Variants in ITGAD observed in about 807,000 individuals in gnomAD.
The protein encoded by ITGAD is integrin subunit alpha D, also known as integrin alpha-D.
A neutral mutation model predicts 139.0 loss-of-function variants in ITGAD; 105 were observed. The ratio of observed to expected loss-of-function variants is 0.76; its 90% confidence interval spans 0.65 to 0.89. The LOEUF (loss-of-function observed/expected upper bound fraction) is 0.89. ITGAD is among the 40% of genes least tolerant of loss of function. The pLI is 0.00. For synonymous variants in ITGAD, 569 were observed against 598.3 expected, an observed-to-expected ratio of 0.95 and a Z score of 0.71; for missense variants, 1,384 against 1,487.3, an observed-to-expected ratio of 0.93 and a Z score of 1.14.
intron 17 of ITGAD, 114 bp from the exon 18 acceptor site, chr16:31,414,746 C>G: frequency 1.9e-6 from 3 of 1,550,132 alleles, no homozygotes; most frequent in Non-Finnish European, 2.6e-6. Flanking sequence ...GAGAACCTGG[C>G]TCCACGGCTT....
intron 23 of ITGAD, among the ~76,000 whole-genome samples, chr16:31,421,815 G>A (rs1049290725): frequency 2.6e-5 from 4 of 152,164 alleles, no homozygotes; most frequent in African/African-American, 7.2e-5. Flanking sequence ...GTTTGACACT[G>A]GAGCCCATGT....
At chr16:31,417,524 G>T (rs563499552) in intron 20 of ITGAD, among the ~76,000 whole-genome samples, 1 of 152,116 alleles carries the variant, frequency 6.6e-6, no homozygotes, top group South Asian at 2.1e-4. Context: ...ATGGAGTGAG[G>T]TAGGGATCCA....
intron 23 of ITGAD, among the ~76,000 whole-genome samples, chr16:31,421,123 T>C (rs548392695): frequency 1.3e-4 from 20 of 152,304 alleles, no homozygotes; most frequent in South Asian, 4.1e-4. Context: ...CCAATAATTA[T>C]ATTGTTATCC....
rs751254106 is a variant in ITGAD, at chr16:31,411,158, C to T, written c.1439C>T (p.Pro480Leu). The change falls in exon 13 of 30, where the codon CCC becomes CTC. Residue 480 changes from proline to leucine, a missense_variant. Transcript: ENST00000389202. ...ACCGACCTGATCCTCATTGGGGCCC[C>T]CCATTACTATGAGCAGACCCGAGGG... ...GSTDLILIGA[P>L]HYYEQTRGGQ... 6.2e-7 allele frequency: 1 copy of T among 1,613,976 alleles called. No homozygotes were observed. The highest frequency in any genetic ancestry group is 2.2e-5 in the East Asian group (1 of 44,872).
At chr16:31,412,777 A>G (rs2081763031) in intron 14 of ITGAD, 61 bp from the exon 15 acceptor site, 11 of 1,604,326 alleles carry the variant, frequency 6.9e-6, no homozygotes, top group African/African-American at 1.3e-5. Context: ...TCCCCTTGTT[A>G]CTTATTTCCA....
intron 5 of ITGAD, among the ~76,000 whole-genome samples, chr16:31,398,431 A>G (rs1037578126): frequency 6.6e-6 from 1 of 151,388 alleles, no homozygotes; most frequent in African/African-American, 2.4e-5. Flanking sequence ...CCATCTCAAA[A>G]AAAAAAAAAA....
intron 2 of ITGAD, among the ~76,000 whole-genome samples, chr16:31,395,046 A>G (rs1433122541): frequency 6.6e-6 from 1 of 152,174 alleles, no homozygotes; most frequent in Non-Finnish European, 1.5e-5. Context: ...GCTGGGCACC[A>G]TGGCTCACGC....
rs60226828 is a variant in ITGAD, at chr16:31,413,947, C to T, written c.1997-504C>T. Among the ~76,000 whole-genome samples the T allele has an allele frequency of 9.9e-3, 1,506 of 152,260 alleles. 32 individuals are homozygous for T. The highest frequency in any genetic ancestry group is 0.034 in the African/African-American group (1,404 of 41,528). On this transcript the variant is annotated intron_variant, in intron 16 of 29. Transcript: ENST00000389202. Reference sequence around the variant, plus strand: ...GGAGAGCCTCCCCTCGCACTGATCACGCTGCAACATCACGTCCCATGTGCT... The same window carrying T: ...GGAGAGCCTCCCCTCGCACTGATCATGCTGCAACATCACGTCCCATGTGCT...
chr16:31,410,584 G>T, intron 11 of ITGAD, 60 bp downstream of exon 11: 1 of 1,606,430 alleles, frequency 6.2e-7, no homozygotes, highest in Non-Finnish European at 8.5e-7. Context: ...GTGGGGTCCA[G>T]GGTTCTGGGG....
Position 31,416,196 on chromosome 16 carries a change from A to C in ITGAD, c.2284-17A>C. On this transcript the variant is annotated splice_polypyrimidine_tract_variant and intron_variant, in intron 18 of 29. Coordinates refer to ENST00000389202, the MANE Select transcript of ITGAD (RefSeq NM_005353.3). ...CTAAGATGTCAGATGGGAACAGAAT[A>C]TACTATTTTGCTGCAGCTCCCCTTC... 6.3e-7 allele frequency: 1 copy of C among 1,590,144 alleles called. No individual in the cohort carries two copies. Among genetic ancestry groups the C allele is most frequent in the East Asian group, 2.3e-5 (1 of 44,204 alleles).
chr16:31,405,142 C>T (rs1436360595), intron 7 of ITGAD, among the ~76,000 whole-genome samples: 1 of 152,204 alleles, frequency 6.6e-6, no homozygotes, highest in African/African-American at 2.4e-5. Flanking sequence ...CGCACCACCA[C>T]ACCTGGCTAA....
chr16:31,423,955 C>A lies in ITGAD; in HGVS notation c.3156C>A (p.Arg1052=). ...LKGNLSFGWV[R]ETLQKKVLVV... Reference sequence around the variant, plus strand: ...GCAATCTCAGTTTCGGCTGGGTCCGCGAGGTGTGTGGGGGCAGCGGCAGAG... The same window carrying A: ...GCAATCTCAGTTTCGGCTGGGTCCGAGAGGTGTGTGGGGGCAGCGGCAGAG... Residue 1052 remains arginine, a synonymous_variant, in exon 27 of 30, where the codon CGC becomes CGA. Transcript: ENST00000389202. 6.2e-7 allele frequency: 1 copy of A among 1,614,086 alleles called. No homozygotes were observed. The highest frequency in any genetic ancestry group is 8.5e-7 in the Non-Finnish European group (1 of 1,179,992).
Position 31,412,856 on chromosome 16 carries a change from C to A in ITGAD, c.1726C>A (p.Leu576Ile), listed in dbSNP as rs1385934128. The A allele has an allele frequency of 1.2e-6, 2 of 1,614,092 alleles. No homozygotes were observed. The highest frequency in any genetic ancestry group is 1.7e-6 in the Non-Finnish European group (2 of 1,180,024). The stretch of plus-strand genomic sequence containing the variant: ...TGGCCAGCGGATTGCCAGCTCCCAG[C>A]TCTCCCCCAGGCTGCAGTATTTTGG... ...SHSQRIASSQ[L>I]SPRLQYFGQA... Residue 576 changes from leucine to isoleucine, a missense_variant, in exon 15 of 30, where the codon CTC becomes ATC. Physicochemically the swap from Leu to Ile is conservative, Grantham distance 5. Coordinates refer to ENST00000389202, the MANE Select transcript of ITGAD (RefSeq NM_005353.3).
chr16:31,424,542 C>T lies in ITGAD; in HGVS notation c.3337C>T (p.Leu1113=). 1 of 1,613,496 alleles carries T rather than the reference C, an allele frequency of 6.2e-7. No individual in the cohort carries two copies. The highest frequency in any genetic ancestry group is 8.5e-7 in the Non-Finnish European group (1 of 1,179,710). ...IIMGSSVGAL[L]LLALITATLY... ...CATGGGCAGCTCTGTGGGGGCTCTG[C>T]TACTGCTGGCGCTCATCACAGCCAC... Residue 1113 remains leucine, a synonymous_variant, in exon 29 of 30, where the codon CTA becomes TTA. Coordinates refer to ENST00000389202, the MANE Select transcript of ITGAD (RefSeq NM_005353.3).
chr16:31,407,832 C>T lies in ITGAD; in HGVS notation c.925C>T (p.Gln309Ter), dbSNP rs1157056515. The change falls in exon 9 of 30, where the codon CAG becomes TAG. Residue 309 changes from glutamine to a stop codon, truncating the protein, a stop_gained. Transcript: ENST00000389202. LOFTEE classifies it high-confidence loss of function. Reference sequence around the variant, plus strand: ...GAATACCATCAGCTCAGCGCCTCCGCAGGACCACGTGTTCAAGGTGGACAA... The same window carrying T: ...GAATACCATCAGCTCAGCGCCTCCGTAGGACCACGTGTTCAAGGTGGACAA... ...ELNTISSAPP[Q>*]DHVFKVDNFA... 3.7e-6 allele frequency: 6 copies of T among 1,612,320 alleles called. No individual in the cohort carries two copies.
chr16:31,424,319 A>G (rs1000766014), intron 28 of ITGAD, 116 bp downstream of exon 28: 17 of 1,355,308 alleles, frequency 1.3e-5, no homozygotes, highest in Non-Finnish European at 1.8e-5. Context: ...GTCTCTGGGC[A>G]GGACAGCTGT....
chr16:31,419,202 A>C (rs879519281), intron 23 of ITGAD, among the ~76,000 whole-genome samples: 4 of 151,990 alleles, frequency 2.6e-5, no homozygotes, highest in Non-Finnish European at 4.4e-5. Flanking sequence ...CAAACAAAAA[A>C]AAAAAAAAAA....
Position 31,405,604 on chromosome 16 carries a change from T to C in ITGAD, c.705-1911T>C, listed in dbSNP as rs540326085. On this transcript the variant is annotated intron_variant, in intron 7 of 29. Transcript: ENST00000389202. Reference sequence around the variant, plus strand: ...GCTATTTTCATCCTGTCTGGGTTTTTTTCCCCCTCATCTAGGTCCACAATT... The same window carrying C: ...GCTATTTTCATCCTGTCTGGGTTTTCTTCCCCCTCATCTAGGTCCACAATT... Among the ~76,000 whole-genome samples the C allele has an allele frequency of 6.6e-5, 10 of 152,042 alleles. No homozygotes were observed. The South Asian group carries it at 1.9e-3, about 28-fold the overall frequency.
chr16:31,411,461 GCTGT>G lies in ITGAD; in HGVS notation c.1654_1657del (p.Val552ThrfsTer35). 6.2e-7 allele frequency: 1 copy of G among 1,614,116 alleles called. No homozygotes were observed. The highest frequency in any genetic ancestry group is 2.2e-5 in the East Asian group (1 of 44,888). ...CCCGGGAGAGCAGGAGAACCGGGGT[GCTGT>G]CTACCTGTTTCACGGAGCCTCAGAA... On this transcript the variant is annotated frameshift_variant, in exon 14 of 30. Transcript: ENST00000389202. LOFTEE classifies it high-confidence loss of function.
Sources: allele counts gnomAD v4.1 joint callset (sites outside exome capture counted in the v4.1 genomes callset), GRCh38; gene constraint gnomAD v4.1.1; transcripts MANE v1.5; gene names NCBI Gene and HGNC (gene_info 2026-07-23, HGNC 2026-07-21).